Variants in UBL3 observed in about 807,000 individuals in gnomAD.
The protein encoded by UBL3 is ubiquitin-like protein 3.
Under a neutral mutation model 18.4 loss-of-function variants are expected in UBL3, and 6 were observed. The observed-to-expected ratio is 0.33, with a 90% CI of 0.18 to 0.64. UBL3 has a LOEUF of 0.64. Ranked by LOEUF, UBL3 falls within the 30% of genes least tolerant of loss-of-function variation. UBL3 has a pLI of 0.76. For missense variants in UBL3, 109 were observed against 142.9 expected (o/e 0.76, Z 1.21); for synonymous variants, 49 against 46.6 (o/e 1.05, Z -0.21).
chr13:29,816,056 C>T (rs965933415), intron 1 of UBL3, among the ~76,000 whole-genome samples: 3 of 152,090 alleles, frequency 2.0e-5, no homozygotes, highest in Non-Finnish European at 4.4e-5. Context: ...TGCTATGCTA[C>T]GAATTCTGTT....
At chr13:29,826,865 T>A (rs1455677298) in intron 1 of UBL3, among the ~76,000 whole-genome samples, 3 of 152,152 alleles carry the variant, frequency 2.0e-5, no homozygotes, top group Non-Finnish European at 2.9e-5. Context: ...AATGTGTCCC[T>A]GAGATTCTGG....
intron 1 of UBL3, among the ~76,000 whole-genome samples, chr13:29,800,916 C>CT (rs1877744434): frequency 1.3e-5 from 2 of 152,178 alleles, no homozygotes; most frequent in South Asian, 4.1e-4. Flanking sequence ...GGGACCCCCC[C>CT]ACGGTGCAGC....
At chr13:29,842,434 C>T (rs1879129859) in intron 1 of UBL3, among the ~76,000 whole-genome samples, 1 of 152,080 alleles carries the variant, frequency 6.6e-6, no homozygotes, top group Non-Finnish European at 1.5e-5. Context: ...GTTGGGATTA[C>T]AGGTGTGAGC....
chr13:29,800,643 GAAAGAAT>G (rs996127772), intron 1 of UBL3, among the ~76,000 whole-genome samples: 1 of 152,214 alleles, frequency 6.6e-6, no homozygotes, highest in Non-Finnish European at 1.5e-5. Flanking sequence ...AGACTAACTT[GAAAGAAT>G]ATTATGCAGC....
intron 1 of UBL3, among the ~76,000 whole-genome samples, chr13:29,836,711 T>G (rs1878970774): frequency 6.6e-6 from 1 of 152,040 alleles, no homozygotes. Context: ...AAGTGGATGT[T>G]GTACCACCAA....
At position 29,834,193 on chromosome 13, in the gene UBL3, A is replaced by G. The variant is rs188980429; in HGVS notation, c.27+15319T>C. Among the ~76,000 whole-genome samples, 7 of 150,392 alleles carry G rather than the reference A, an allele frequency of 4.7e-5. No individual in the cohort carries two copies. The East Asian group carries it at 1.3e-3, about 29-fold the overall frequency. ...GCAAGACTCTGTCTCAAGAAAAAAA[A>G]AAAAAAAGGAGTAAGAAGAACAGAA... On this transcript the variant is annotated intron_variant, in intron 1 of 4. Coordinates refer to ENST00000380680, the MANE Select transcript of UBL3 (RefSeq NM_007106.4).
At chr13:29,845,356 T>A (rs1879203691) in intron 1 of UBL3, among the ~76,000 whole-genome samples, 1 of 152,090 alleles carries the variant, frequency 6.6e-6, no homozygotes, top group African/African-American at 2.4e-5. Flanking sequence ...ATGTAAACAG[T>A]ACTTATCTAC....
intron 1 of UBL3, among the ~76,000 whole-genome samples, chr13:29,837,939 T>C (rs1028116026): frequency 6.7e-6 from 1 of 149,046 alleles, no homozygotes; most frequent in Non-Finnish European, 1.5e-5. Context: ...ATAATAATAA[T>C]AATAATTTTA....
intron 1 of UBL3, among the ~76,000 whole-genome samples, chr13:29,778,857 G>C (rs932888177): frequency 6.6e-6 from 1 of 152,184 alleles, no homozygotes; most frequent in African/African-American, 2.4e-5. Context: ...ACATTAGATG[G>C]AGTGGAAGTA....
intron 1 of UBL3, among the ~76,000 whole-genome samples, chr13:29,846,464 A>C (rs1879230294): frequency 1.3e-5 from 2 of 152,174 alleles, no homozygotes; most frequent in Non-Finnish European, 2.9e-5. Flanking sequence ...CATTTGGATC[A>C]TTAAAAATGA....
chr13:29,829,276 T>C (rs1177974264), intron 1 of UBL3, among the ~76,000 whole-genome samples: 1 of 152,222 alleles, frequency 6.6e-6, no homozygotes, highest in Non-Finnish European at 1.5e-5. Context: ...GGCTGTGCCC[T>C]GCCCCCAGAG....
At chr13:29,816,859 T>C (rs1878296915) in intron 1 of UBL3, among the ~76,000 whole-genome samples, 1 of 152,134 alleles carries the variant, frequency 6.6e-6, no homozygotes, top group Admixed American at 6.6e-5. Flanking sequence ...GTAATATTTT[T>C]ATTGCTTGGA....
intron 1 of UBL3, among the ~76,000 whole-genome samples, chr13:29,820,213 C>T: frequency 7.5e-6 from 1 of 132,474 alleles, no homozygotes; most frequent in Admixed American, 8.5e-5. Context: ...CTTGCTCTGT[C>T]ACCCAGGCTG....
intron 1 of UBL3, among the ~76,000 whole-genome samples, chr13:29,781,807 G>A (rs1306777445): frequency 7.4e-5 from 10 of 135,574 alleles, no homozygotes; most frequent in African/African-American, 2.2e-4. Flanking sequence ...AACAAATTGC[G>A]ACCCTGTCTC....
intron 3 of UBL3, among the ~76,000 whole-genome samples, chr13:29,770,545 T>G (rs969534164): frequency 1.3e-5 from 2 of 152,044 alleles, no homozygotes; most frequent in Non-Finnish European, 2.9e-5. Context: ...ACAGAAAAGA[T>G]AATTAAGGAA....
intron 2 of UBL3, among the ~76,000 whole-genome samples, chr13:29,772,738 A>G (rs943831495): frequency 1.3e-5 from 2 of 152,126 alleles, no homozygotes; most frequent in African/African-American, 2.4e-5. Flanking sequence ...TAAACATTAG[A>G]GAAGATACAA....
chr13:29,826,388 C>A (rs1303697591), intron 1 of UBL3, among the ~76,000 whole-genome samples: 1 of 152,074 alleles, frequency 6.6e-6, no homozygotes, highest in Admixed American at 6.6e-5. Context: ...TGTTATTGGT[C>A]TATTCAGGGA....
intron 1 of UBL3, among the ~76,000 whole-genome samples, chr13:29,839,698 C>T (rs554402960): frequency 2.0e-4 from 30 of 152,134 alleles, no homozygotes; most frequent in African/African-American, 7.0e-4. Context: ...GAGGCTGAGG[C>T]GGGAGGATCA....
chr13:29,779,285 C>T (rs1398866723), intron 1 of UBL3: 1 of 490,448 alleles, frequency 2.0e-6, no homozygotes, highest in Admixed American at 2.1e-5. Flanking sequence ...GTATGAATAA[C>T]AAATACATAT....
Sources: gnomAD v4.1 joint callset for allele counts (sites outside exome capture counted in the v4.1 genomes callset) on GRCh38, gnomAD v4.1.1 for gene constraint, MANE v1.5 for transcripts, NCBI Gene and HGNC (gene_info 2026-07-23, HGNC 2026-07-21) for gene names.